OPHN1: variants seen among roughly 807,000 people sequenced by gnomAD.
The protein encoded by OPHN1 is oligophrenin-1.
In OPHN1, 11 loss-of-function variants were observed where a neutral mutation model predicts 60.7. The ratio of observed to expected loss-of-function variants is 0.18; its 90% CI spans 0.11 to 0.30. OPHN1 has a LOEUF of 0.30. Ranked by LOEUF, OPHN1 falls within the 10% of genes least tolerant of loss-of-function variation. The pLI is 1.00. For synonymous variants in OPHN1, 226 were observed against 222.6 expected (o/e 1.02, Z -0.14); for missense variants, 449 against 611.0 (o/e 0.73, Z 2.80).
At chrX:68,369,196 A>AACT (rs2078514598) in intron 2 of OPHN1, among the ~76,000 whole-genome samples, 2 of 109,441 alleles carry the variant, frequency 1.8e-5, no homozygotes, top group African/African-American at 6.7e-5. Flanking sequence ...AAACAGAGTG[A>AACT]GACTCCTCGA....
intron 15 of OPHN1, among the ~76,000 whole-genome samples, chrX:68,186,006 G>A (rs763367853): frequency 9.4e-4 from 105 of 111,738 alleles, no homozygotes; most frequent in Middle Eastern, 4.7e-3. Flanking sequence ...TTTCCAAGGG[G>A]AAGACTATGG....
At chrX:68,252,073 C>T (rs2077838344) in intron 5 of OPHN1, among the ~76,000 whole-genome samples, 1 of 111,822 alleles carries the variant, frequency 8.9e-6, no homozygotes, top group Non-Finnish European at 1.9e-5. Flanking sequence ...TCTGCTTACC[C>T]ACCATGCACT....
chrX:68,278,897 T>TA (rs1236498862), intron 4 of OPHN1, among the ~76,000 whole-genome samples: 1 of 108,743 alleles, frequency 9.2e-6, no homozygotes, highest in African/African-American at 3.3e-5. Context: ...AAAAATAAAA[T>TA]AAAAAAAATT....
At chrX:68,229,941 C>A (rs1174394537) in intron 6 of OPHN1, among the ~76,000 whole-genome samples, 43 of 111,881 alleles carry the variant, frequency 3.8e-4, no homozygotes, top group Middle Eastern at 4.6e-3. Flanking sequence ...AGAGCTTCTG[C>A]ACAGCAAAAG....
chrX:68,393,881 C>CTTT (rs757567783), intron 2 of OPHN1, among the ~76,000 whole-genome samples: 3 of 25,607 alleles, frequency 1.2e-4, no homozygotes, highest in Non-Finnish European at 2.6e-4. Context: ...ATCCAATAGA[C>CTTT]TTTGTTTTTT....
intron 5 of OPHN1, among the ~76,000 whole-genome samples, chrX:68,267,698 G>A (rs1292984420): frequency 4.5e-5 from 5 of 112,269 alleles, no homozygotes; most frequent in Admixed American, 2.8e-4. Flanking sequence ...AGAACTGAAG[G>A]AAACAGAGAC....
At chrX:68,229,445 A>G (rs1037496675) in intron 6 of OPHN1, among the ~76,000 whole-genome samples, 5 of 111,761 alleles carry the variant, frequency 4.5e-5, no homozygotes, top group Admixed American at 3.8e-4. Context: ...AAAAGAGCCC[A>G]CATTGCCAAG....
intron 15 of OPHN1, among the ~76,000 whole-genome samples, chrX:68,179,047 C>T (rs543482496): frequency 9.8e-4 from 110 of 112,104 alleles, no homozygotes; most frequent in African/African-American, 3.5e-3. Context: ...TTTAGCATTC[C>T]AAGCTTTTCT....
intron 15 of OPHN1, among the ~76,000 whole-genome samples, chrX:68,145,517 A>G (rs1026472106): frequency 8.9e-5 from 10 of 111,964 alleles, no homozygotes; most frequent in Non-Finnish European, 1.7e-4. Flanking sequence ...AAGTATTTCA[A>G]ATATAAAGAC....
chrX:68,286,049 T>C, intron 3 of OPHN1, among the ~76,000 whole-genome samples: 1 of 111,197 alleles, frequency 9.0e-6, no homozygotes, highest in Non-Finnish European at 1.9e-5. Context: ...GTTCTATTAA[T>C]TGCTTTTTTT....
At chrX:68,052,676 G>A in intron 22 of OPHN1, 86 bp from the exon 23 acceptor site, 1 of 842,648 alleles carries the variant, frequency 1.2e-6, no homozygotes, top group Non-Finnish European at 1.7e-6. Context: ...AGGAGACTCT[G>A]AACCAGATGG....
At chrX:68,372,898 T>C (rs2078536602) in intron 2 of OPHN1, among the ~76,000 whole-genome samples, 1 of 110,356 alleles carries the variant, frequency 9.1e-6, no homozygotes, top group African/African-American at 3.3e-5. Flanking sequence ...CTCAAAACAC[T>C]GATCAAAGAG....
At chrX:68,425,103 G>C (rs188019103) in intron 2 of OPHN1, among the ~76,000 whole-genome samples, 2 of 111,365 alleles carry the variant, frequency 1.8e-5, no homozygotes, top group Admixed American at 1.9e-4. Flanking sequence ...AACTCCTCCC[G>C]CACACCATGG....
At chrX:68,195,599 T>C (rs1016113661) in intron 12 of OPHN1, among the ~76,000 whole-genome samples, 23 of 111,927 alleles carry the variant, frequency 2.1e-4, no homozygotes, top group Non-Finnish European at 3.8e-4. Context: ...ATGGATGAGA[T>C]TTGTAAGACT....
intron 5 of OPHN1, among the ~76,000 whole-genome samples, chrX:68,273,207 GA>G (rs745719573): frequency 2.7e-5 from 3 of 111,830 alleles, no homozygotes; most frequent in South Asian, 7.5e-4. Context: ...TTTAAAAAAA[GA>G]AAAACTTGCT....
chrX:68,176,014 T>C (rs1024220350), intron 15 of OPHN1, among the ~76,000 whole-genome samples: 1 of 112,035 alleles, frequency 8.9e-6, no homozygotes, highest in African/African-American at 3.2e-5. Flanking sequence ...AAACTGGATA[T>C]CTACATACAA....
At chrX:68,289,119 G>T (rs1027120268) in intron 3 of OPHN1, among the ~76,000 whole-genome samples, 2 of 110,914 alleles carry the variant, frequency 1.8e-5, no homozygotes, top group Non-Finnish European at 3.8e-5. Context: ...GAAGAAAACA[G>T]CCCTGCATAA....
At chrX:68,052,733 A>G in intron 22 of OPHN1, 143 bp from the exon 23 acceptor site, 1 of 533,973 alleles carries the variant, frequency 1.9e-6, no homozygotes, top group Non-Finnish European at 3.2e-6. Flanking sequence ...CCCTACACAT[A>G]CAAATGTGAA....
chrX:68,207,307 T>C (rs1002014229), intron 9 of OPHN1, among the ~76,000 whole-genome samples: 98 of 108,810 alleles, frequency 9.0e-4, no homozygotes, highest in African/African-American at 2.9e-3. Flanking sequence ...TTTTTGTATT[T>C]TTTTTAGTAG....
Sources: gnomAD v4.1 joint callset for allele counts (sites outside exome capture counted in the v4.1 genomes callset) on GRCh38, gnomAD v4.1.1 for gene constraint, MANE v1.5 for transcripts, NCBI Gene and HGNC (gene_info 2026-07-23, HGNC 2026-07-21) for gene names.